The following CTNNA3 variants were observed in gnomAD, a reference collection of about 807,000 sequenced individuals.
The protein encoded by CTNNA3 is catenin alpha-3.
Under a neutral mutation model 95.7 loss-of-function variants are expected in CTNNA3, and 76 were observed. The ratio of observed to expected loss-of-function variants is 0.79; its 90% CI spans 0.66 to 0.96. The LOEUF is 0.96. Among genes scored for constraint, CTNNA3 ranks in the 40% least tolerant of loss-of-function variants. The pLI, the probability that CTNNA3 is intolerant of heterozygous loss-of-function variation, is 0.00. For missense variants in CTNNA3, 1,191 were observed against 1,089.8 expected (o/e 1.09, Z -1.31); for synonymous variants, 431 against 374.4 (o/e 1.15, Z -1.74).
At chr10:67,727,842 T>C (rs186407499) in intron 1 of CTNNA3, among the ~76,000 whole-genome samples, 379 of 127,122 alleles carry the variant, frequency 3.0e-3, no homozygotes, top group African/African-American at 0.012. Context: ...TATAATATAG[T>C]ATATATCATA....
chr10:67,231,411 G>A lies in CTNNA3; in HGVS notation c.580-11541C>T, dbSNP rs560574309. Reference sequence around the variant, plus strand: ...AACTGGGAGGCAACCCCTAGCAGGGGCAGACTGACACCTCACAGGGCCGGG... The same window carrying A: ...AACTGGGAGGCAACCCCTAGCAGGGACAGACTGACACCTCACAGGGCCGGG... On this transcript the variant is annotated intron_variant, in intron 5 of 17. Transcript: ENST00000433211. 2.0e-5 allele frequency among the ~76,000 whole-genome samples: 3 copies of A among 152,322 alleles called. No individual in the cohort carries two copies. The East Asian group carries it at 5.8e-4, about 29-fold the overall frequency.
At chr10:67,081,659 A>G (rs561158725) in intron 7 of CTNNA3, among the ~76,000 whole-genome samples, 2 of 152,152 alleles carry the variant, frequency 1.3e-5, no homozygotes, top group African/African-American at 4.8e-5. Context: ...CTCCATATAC[A>G]TTCTTTGCTC....
chr10:67,159,920 G>A (rs184000757), intron 7 of CTNNA3, among the ~76,000 whole-genome samples: 1 of 152,230 alleles, frequency 6.6e-6, no homozygotes, highest in East Asian at 1.9e-4. Context: ...ACAATTGAGA[G>A]AGAAGACACA....
In CTNNA3 at chr10:66,564,274, C is replaced by T. The variant is rs571609268; in HGVS notation, c.1375-43501G>A. Among the ~76,000 whole-genome samples the T allele has an allele frequency of 1.7e-4, 26 of 152,246 alleles. No individual in the cohort carries two copies. The South Asian group carries it at 5.0e-3, about 29-fold the overall frequency. On this transcript the variant is annotated intron_variant, in intron 10 of 17. Transcript: ENST00000433211. Reference sequence around the variant, plus strand: ...TAAATAATGAGCAAAGTCCTTATTGCTGTGCCTGTGACATACTACAGATCT... The same window carrying T: ...TAAATAATGAGCAAAGTCCTTATTGTTGTGCCTGTGACATACTACAGATCT...
chr10:66,168,126 T>A (rs1329903066), intron 13 of CTNNA3, among the ~76,000 whole-genome samples: 1 of 152,190 alleles, frequency 6.6e-6, no homozygotes, highest in Non-Finnish European at 1.5e-5. Flanking sequence ...CTTTTGGCAT[T>A]TTATTTTTGA....
intron 9 of CTNNA3, among the ~76,000 whole-genome samples, chr10:66,700,686 A>G (rs1847915076): frequency 6.6e-6 from 1 of 152,108 alleles, no homozygotes; most frequent in Admixed American, 6.6e-5. Flanking sequence ...TATGTCCATC[A>G]TTCTAAATTA....
chr10:66,913,238 C>CTAAAAAAAAAAAAAAAAAA (rs1846305946), intron 7 of CTNNA3, among the ~76,000 whole-genome samples: 1 of 33,530 alleles, frequency 3.0e-5, no homozygotes, highest in African/African-American at 1.2e-4. Context: ...GACTCCGTCT[C>CTAAAAAAAAAAAAAAAAAA]AAAAAAAAAA....
At chr10:67,747,492 G>A (rs1841380210) in intron 1 of CTNNA3, among the ~76,000 whole-genome samples, 1 of 152,164 alleles carries the variant, frequency 6.6e-6, no homozygotes, top group Admixed American at 6.5e-5. Flanking sequence ...AGGGCCTGAA[G>A]TGAAACCCCA....
At chr10:66,712,451 C>T (rs940747323) in intron 9 of CTNNA3, among the ~76,000 whole-genome samples, 1 of 152,082 alleles carries the variant, frequency 6.6e-6, no homozygotes, top group African/African-American at 2.4e-5. Context: ...CGATATTATT[C>T]AAGAAGGTAG....
intron 10 of CTNNA3, among the ~76,000 whole-genome samples, chr10:66,591,419 A>G (rs1355277158): frequency 6.6e-6 from 1 of 152,170 alleles, no homozygotes; most frequent in Non-Finnish European, 1.5e-5. Flanking sequence ...AGGAAAAGAT[A>G]TCATTTTGAA....
intron 13 of CTNNA3, among the ~76,000 whole-genome samples, chr10:66,246,318 A>G (rs1473606862): frequency 2.0e-5 from 3 of 151,332 alleles, no homozygotes; most frequent in Non-Finnish European, 3.0e-5. Flanking sequence ...AACTGCGCCC[A>G]GGGTTGGGGG....
At chr10:66,390,339 G>A (rs1366330801) in intron 11 of CTNNA3, among the ~76,000 whole-genome samples, 1 of 152,026 alleles carries the variant, frequency 6.6e-6, no homozygotes, top group African/African-American at 2.4e-5. Context: ...AGCAAGAAAT[G>A]ATACACTATC....
intron 5 of CTNNA3, among the ~76,000 whole-genome samples, chr10:67,285,919 A>G (rs1839584801): frequency 6.6e-6 from 1 of 152,210 alleles, no homozygotes; most frequent in African/African-American, 2.4e-5. Context: ...AAGCTTGTTA[A>G]GAAAAGAAGA....
intron 7 of CTNNA3, among the ~76,000 whole-genome samples, chr10:66,807,535 C>T (rs552013231): frequency 9.9e-5 from 15 of 152,166 alleles, no homozygotes; most frequent in African/African-American, 2.9e-4. Flanking sequence ...CTTGTTAAAT[C>T]CTCCTTGATT....
At chr10:67,198,381 C>T (rs10823004) in intron 6 of CTNNA3, among the ~76,000 whole-genome samples, 55,386 of 151,922 alleles carry the variant, frequency 0.36, 14,403 homozygotes, top group African/African-American at 0.74. Flanking sequence ...GTCCTTTTCC[C>T]TAACAACTAG....
intron 6 of CTNNA3, among the ~76,000 whole-genome samples, chr10:67,216,778 C>T (rs1202265228): frequency 1.3e-5 from 2 of 152,146 alleles, no homozygotes; most frequent in Admixed American, 6.6e-5. Context: ...CTGCTTTTTC[C>T]CTCCTCACAG....
At chr10:66,870,162 A>G (rs1379620119) in intron 7 of CTNNA3, among the ~76,000 whole-genome samples, 1 of 152,106 alleles carries the variant, frequency 6.6e-6, no homozygotes, top group Non-Finnish European at 1.5e-5. Context: ...ACTTCATTAT[A>G]TGAACATTTG....
At chr10:66,998,059 G>T (rs72804675) in intron 7 of CTNNA3, among the ~76,000 whole-genome samples, 13,181 of 152,102 alleles carry the variant, frequency 0.087, 686 homozygotes, top group South Asian at 0.17. Context: ...CCCCATTCCA[G>T]CTCATTCTTC....
chr10:67,518,885 G>A (rs1181842601), intron 5 of CTNNA3, among the ~76,000 whole-genome samples: 1 of 152,106 alleles, frequency 6.6e-6, no homozygotes, highest in Non-Finnish European at 1.5e-5. Flanking sequence ...GACTGTACCT[G>A]CCTTTCGATA....
Sources: gnomAD v4.1 joint callset for allele counts (sites outside exome capture counted in the v4.1 genomes callset) on GRCh38, gnomAD v4.1.1 for gene constraint, MANE v1.5 for transcripts, NCBI Gene and HGNC (gene_info 2026-07-23, HGNC 2026-07-21) for gene names.